The following FGD3 variants were observed in gnomAD, a reference collection of about 807,000 sequenced individuals.
FGD3 encodes the protein FYVE, RhoGEF and PH domain containing 3, also known as FYVE, RhoGEF and PH domain-containing protein 3.
In FGD3, 45 loss-of-function variants were observed where a neutral mutation model predicts 71.8. The observed-to-expected ratio is 0.63, with a 90% CI of 0.49 to 0.80. The LOEUF is 0.80. Ranked by LOEUF, FGD3 falls within the 30% of genes least tolerant of loss-of-function variation. The pLI is 0.00. For synonymous variants in FGD3, 378 were observed against 392.8 expected, an observed-to-expected ratio of 0.96 and a Z score of 0.44; for missense variants, 844 against 951.5, an observed-to-expected ratio of 0.89 and a Z score of 1.49.
intron 3 of FGD3, among the ~76,000 whole-genome samples, chr9:92,999,221 A>G (rs1860763209): frequency 6.6e-6 from 1 of 152,092 alleles, no homozygotes; most frequent in Non-Finnish European, 1.5e-5. Context: ...TCAATCTCAG[A>G]CTGCTGTGCA....
rs1861042692 is a variant in FGD3 at position 93,006,135 on chromosome 9, G to T, written c.792G>T (p.Trp264Cys). The T allele has an allele frequency of 6.2e-6, 10 of 1,611,554 alleles. No individual in the cohort carries two copies. The East Asian group carries it at 2.2e-4, about 36-fold the overall frequency. ...FDRAVGLVSTWTQRSPLFKDV... is the reference protein window; with the variant it reads ...FDRAVGLVSTCTQRSPLFKDV... ...GAGCCGTAGGGCTGGTGAGCACGTG[G>T]ACCCAGCGCTCCCCACTGTTTAAAG... The change falls in exon 6 of 18, where the codon TGG becomes TGT. Residue 264 changes from tryptophan (W) to cysteine (C), a missense_variant. By Grantham distance (215) the Trp-to-Cys change is radical. Coordinates refer to ENST00000375482, the MANE Select transcript of FGD3 (RefSeq NM_001083536.2).
chr9:92,969,052 C>T lies in FGD3; in HGVS notation c.-217-6186C>T, dbSNP rs750109301. On this transcript the variant is annotated intron_variant, in intron 1 of 17. Transcript: ENST00000375482. This position sits in a 1 kb window ranked among gnomAD's most constrained non-coding sequence, Gnocchi z 4.5. ...CAGTGAGAAGCCATATGGGGACCAG[C>T]GGATATAGGCAGTTCACATGGTTTA... is the stretch of plus-strand genomic sequence containing the variant. Among the ~76,000 whole-genome samples, 1 of 152,298 alleles carries T rather than the reference C, an allele frequency of 6.6e-6. No individual in the cohort carries two copies.
rs575632508 is a variant in FGD3, at chr9:93,004,997, C to T, written c.680+860C>T. ...TGCAGCCTTCTGGCTGACAAAAATC[C>T]ATGCTTGGTAGAGACAGGTTTTCTC... On this transcript the variant is annotated intron_variant, in intron 5 of 17. Coordinates refer to ENST00000375482, the MANE Select transcript of FGD3 (RefSeq NM_001083536.2). Among the ~76,000 whole-genome samples, 83 of 152,314 alleles carry T rather than the reference C, an allele frequency of 5.4e-4. 1 individual carries two copies. Among genetic ancestry groups the T allele is most frequent in the African/African-American group, 1.7e-3 (71 of 41,566 alleles).
At chr9:93,009,580 T>C (rs1394198640) in intron 6 of FGD3, among the ~76,000 whole-genome samples, 4 of 152,106 alleles carry the variant, frequency 2.6e-5, no homozygotes, top group East Asian at 3.9e-4. Flanking sequence ...GAGGACCCGA[T>C]TGGGGAGCAC....
chr9:92,976,266 G>A lies in FGD3; in HGVS notation c.10G>A (p.Gly4Ser). 6.3e-7 allele frequency: 1 copy of A among 1,583,240 alleles called. No homozygotes were observed. Among genetic ancestry groups the A allele is most frequent in the South Asian group, 1.1e-5 (1 of 89,380 alleles). Reference protein sequence around the residue: MESGRGSSTPPGPI... With the variant: MESSRGSSTPPGPI... ...GAGCTCAGCTTTAAGGATGGAGTCA[G>A]GCAGGGGGTCCTCAACCCCTCCAGG... Residue 4 changes from glycine (G) to serine (S), a missense_variant, in exon 3 of 18, where the codon GGC (glycine) becomes AGC (serine). Transcript: ENST00000375482.
At chr9:93,014,422 C>T (rs762110035) in intron 9 of FGD3, among the ~76,000 whole-genome samples, 19 of 152,206 alleles carry the variant, frequency 1.2e-4, no homozygotes, top group Middle Eastern at 3.4e-3. Flanking sequence ...GAGACCCCCC[C>T]GGGTGCCATG....
intron 14 of FGD3, among the ~76,000 whole-genome samples, chr9:93,024,892 G>C (rs1862062789): frequency 6.6e-6 from 1 of 152,266 alleles, no homozygotes; most frequent in Non-Finnish European, 1.5e-5. Flanking sequence ...ACACAGCTTG[G>C]AGATGGCCTT....
intron 1 of FGD3, chr9:92,964,000 CA>C (rs1423005469): frequency 6.6e-6 from 1 of 152,368 alleles, no homozygotes; most frequent in African/African-American, 2.4e-5. Flanking sequence ...ATCTACACAG[CA>C]GATCTACTCA....
At chr9:92,951,051 G>A (rs1587806545) in intron 1 of FGD3, among the ~76,000 whole-genome samples, 1 of 152,278 alleles carries the variant, frequency 6.6e-6, no homozygotes, top group East Asian at 1.9e-4. Context: ...GCAGGCTGAG[G>A]GTTGTGGCCA....
chr9:93,012,868 G>C (rs1861490888), intron 8 of FGD3, among the ~76,000 whole-genome samples: 1 of 151,942 alleles, frequency 6.6e-6, no homozygotes, highest in Non-Finnish European at 1.5e-5. Flanking sequence ...TGCACACCCA[G>C]CCCTCTTAGT....
chr9:92,966,576 C>T (rs1859334985), intron 1 of FGD3, among the ~76,000 whole-genome samples: 1 of 152,262 alleles, frequency 6.6e-6, no homozygotes, highest in Non-Finnish European at 1.5e-5. Flanking sequence ...GGCCTGGAGG[C>T]TGCACCTGTG....
chr9:93,007,646 TCGA>T (rs1861120608), intron 6 of FGD3, among the ~76,000 whole-genome samples: 1 of 152,160 alleles, frequency 6.6e-6, no homozygotes, highest in Non-Finnish European at 1.5e-5. Flanking sequence ...CTGGGGACAC[TCGA>T]GGCAGACACA....
chr9:93,010,360 G>C lies in FGD3; in HGVS notation c.952G>C (p.Ala318Pro). 1 of 1,612,230 alleles carries C rather than the reference G, an allele frequency of 6.2e-7. No individual in the cohort carries two copies. The highest frequency in any genetic ancestry group is 8.5e-7 in the Non-Finnish European group (1 of 1,178,628). ...CTATCTGAAGAGGCTCCCGCAGGAC[G>C]CCCCAGACCGGAAGGATGCGGAGAG... ...KDYLKRLPQD[A>P]PDRKDAERSL... The change falls in exon 7 of 18, where the codon GCC (alanine) becomes CCC (proline). Residue 318 changes from alanine (A) to proline (P), a missense_variant. By Grantham distance (27) the Ala-to-Pro change is conservative. Coordinates refer to ENST00000375482, the MANE Select transcript of FGD3 (RefSeq NM_001083536.2).
At chr9:93,007,532 A>G (rs1442169063) in intron 6 of FGD3, among the ~76,000 whole-genome samples, 1 of 152,220 alleles carries the variant, frequency 6.6e-6, no homozygotes, top group East Asian at 1.9e-4. Context: ...ACATGCCTAT[A>G]GTCCCAGTTA....
chr9:93,012,774 T>C (rs559695795), intron 8 of FGD3, among the ~76,000 whole-genome samples: 6 of 152,150 alleles, frequency 3.9e-5, no homozygotes, highest in African/African-American at 1.2e-4. Flanking sequence ...CTCAGTGTTA[T>C]TGTCATTCAT....
In FGD3 at chr9:93,030,722, G is replaced by T. The variant is rs35556051; in HGVS notation, c.1680+726G>T. 1.4e-3 allele frequency among the ~76,000 whole-genome samples: 209 copies of T among 144,308 alleles called. 1 individual carries two copies. The highest frequency in any genetic ancestry group is 2.2e-3 in the Non-Finnish European group (145 of 65,248). 94.7% of individuals were successfully genotyped at this position (144,308 alleles called of 152,430 possible). On this transcript the variant is annotated intron_variant, in intron 15 of 17. Transcript: ENST00000375482. Reference sequence around the variant, plus strand: ...TGCCACATGGCGGGGGGGCAGCAGGGGGGGGGGAATAAGTAGATGAGTCCT... The same window carrying T: ...TGCCACATGGCGGGGGGGCAGCAGGTGGGGGGGAATAAGTAGATGAGTCCT...
At chr9:93,007,295 G>C (rs528293761) in intron 6 of FGD3, among the ~76,000 whole-genome samples, 2 of 150,942 alleles carry the variant, frequency 1.3e-5, no homozygotes, top group South Asian at 2.1e-4. Context: ...GTTTCACCAT[G>C]TTAGCCAGGA....
intron 10 of FGD3, among the ~76,000 whole-genome samples, chr9:93,016,221 C>T (rs1046972198): frequency 1.3e-5 from 2 of 151,478 alleles, no homozygotes; most frequent in East Asian, 2.0e-4. Context: ...CTGGCTGGGG[C>T]GGGGGCCGGC....
intron 3 of FGD3, among the ~76,000 whole-genome samples, chr9:92,980,646 A>AT (rs1859954144): frequency 1.3e-5 from 2 of 151,110 alleles, no homozygotes; most frequent in South Asian, 4.2e-4. Context: ...TGATGATTTC[A>AT]TTTTTTTCTT....
Sources: allele counts gnomAD v4.1 joint callset (sites outside exome capture counted in the v4.1 genomes callset), GRCh38; gene constraint gnomAD v4.1.1; non-coding constraint Gnocchi (gnomAD v3.1); transcripts MANE v1.5; gene names NCBI Gene and HGNC (gene_info 2026-07-23, HGNC 2026-07-21).